Variants in CDH10 observed in about 807,000 individuals in gnomAD.
CDH10 encodes cadherin 10.
Under a neutral mutation model 73.1 loss-of-function variants are expected in CDH10, and 30 were observed. The observed-to-expected ratio is 0.41, with a 90% CI of 0.31 to 0.56. CDH10 has a LOEUF of 0.56. Among genes scored for constraint, CDH10 ranks in the 20% least tolerant of loss-of-function variants. The pLI is 0.27. For missense variants in CDH10, 815 were observed against 973.7 expected (o/e 0.84, Z 2.17); for synonymous variants, 345 against 348.2 (o/e 0.99, Z 0.10).
rs2111725669 is a variant in CDH10, at chr5:24,505,140, A to G, written c.1365T>C (p.His455=). 4.3e-6 allele frequency: 7 copies of G among 1,611,834 alleles called. No homozygotes were observed. Among genetic ancestry groups the G allele is most frequent in the Non-Finnish European group, 5.9e-6 (7 of 1,178,088 alleles). The change falls in exon 8 of 12, where the codon CAT becomes CAC. Residue 455 remains histidine, a synonymous_variant. Transcript: ENST00000264463. ...KPLDRELSQW[H]NLTVIAAEIN... is the part of the protein sequence containing the mutation. ...TTTCAGCAGCAATAACAGTAAGATT[A>G]TGCCACTGAGATAGTTCACGGTCAA...
At chr5:24,576,273 A>G (rs1005231444) in intron 2 of CDH10, among the ~76,000 whole-genome samples, 1 of 152,046 alleles carries the variant, frequency 6.6e-6, no homozygotes. Flanking sequence ...GTTGTTCCTG[A>G]TGTGTATTAC....
At chr5:24,517,033 A>T (rs1158920412) in intron 5 of CDH10, among the ~76,000 whole-genome samples, 1 of 152,122 alleles carries the variant, frequency 6.6e-6, no homozygotes, top group Non-Finnish European at 1.5e-5. Flanking sequence ...TAACATGTTA[A>T]TTGACTTTCA....
intron 1 of CDH10, among the ~76,000 whole-genome samples, chr5:24,615,346 C>T (rs1044437944): frequency 3.3e-5 from 5 of 152,114 alleles, no homozygotes; most frequent in African/African-American, 4.8e-5. Context: ...AAAAACTGAC[C>T]TTCAAAGACA....
chr5:24,608,787 G>A (rs1309409321), intron 1 of CDH10, among the ~76,000 whole-genome samples: 2 of 152,180 alleles, frequency 1.3e-5, no homozygotes, highest in South Asian at 4.1e-4. Context: ...AATGGCACAA[G>A]AGCACTGGTT....
At position 24,487,895 on chromosome 5, in the gene CDH10, T is replaced by C. The variant is rs1741899825; in HGVS notation, c.2135A>G (p.Asp712Gly). 1 of 1,613,762 alleles carries C rather than the reference T, an allele frequency of 6.2e-7. No individual in the cohort carries two copies. Among genetic ancestry groups the C allele is most frequent in the Admixed American group, 1.7e-5 (1 of 59,976 alleles). The stretch of plus-strand genomic sequence containing the variant: ...CTCTTTTAGCCTTTCATTAATGAAA[T>C]CCCGGACGTCCGTGTTATCTGGAGC... ...PTAPDNTDVR[D>G]FINERLKEHD... The change falls in exon 12 of 12, where the codon GAT becomes GGT. Residue 712 changes from aspartate (D) to glycine (G), a missense_variant. Around this residue, in one of 3 missense-constraint regions of CDH10, gnomAD observed 241 missense variants for 240.3 expected, o/e 1.00. Coordinates refer to ENST00000264463, the MANE Select transcript of CDH10 (RefSeq NM_006727.5).
intron 5 of CDH10, among the ~76,000 whole-genome samples, chr5:24,529,362 T>C (rs920908640): frequency 1.3e-5 from 2 of 151,958 alleles, no homozygotes; most frequent in Non-Finnish European, 2.9e-5. Flanking sequence ...ATATAATGAA[T>C]TGATGTTGAA....
intron 2 of CDH10, among the ~76,000 whole-genome samples, chr5:24,561,938 A>T (rs1744971683): frequency 6.6e-6 from 1 of 152,148 alleles, no homozygotes; most frequent in African/African-American, 2.4e-5. Flanking sequence ...TAAAAACAAA[A>T]ACAAACAAAA....
In CDH10 at chr5:24,516,788, A is replaced by C. The variant is rs942373459; in HGVS notation, c.815-5274T>G. On this transcript the variant is annotated intron_variant, in intron 5 of 11. Coordinates refer to ENST00000264463, the MANE Select transcript of CDH10 (RefSeq NM_006727.5). ...TCACAGAATGTTCCAAGTTCATCTT[A>C]TATTTTTTGCGCCTAAGCCCTCAAA... is the stretch of plus-strand genomic sequence containing the variant. Among the ~76,000 whole-genome samples, 3 of 151,864 alleles carry C rather than the reference A, an allele frequency of 2.0e-5. No homozygotes were observed. In the East Asian group the frequency reaches 5.9e-4, roughly 30 times the overall value.
chr5:24,634,825 C>T (rs1266701573), intron 1 of CDH10, among the ~76,000 whole-genome samples: 1 of 151,244 alleles, frequency 6.6e-6, no homozygotes, highest in East Asian at 1.9e-4. Flanking sequence ...ATAAATAAAA[C>T]TGAAAGAAAA....
At chr5:24,618,674 A>C (rs938028543) in intron 1 of CDH10, among the ~76,000 whole-genome samples, 2 of 152,216 alleles carry the variant, frequency 1.3e-5, no homozygotes, top group Non-Finnish European at 2.9e-5. Flanking sequence ...AATCATAAAG[A>C]GGAAAAAGTT....
intron 1 of CDH10, among the ~76,000 whole-genome samples, chr5:24,620,312 T>C (rs1330207668): frequency 5.3e-5 from 8 of 152,194 alleles, no homozygotes; most frequent in Admixed American, 3.3e-4. Context: ...TAAAAGAAGA[T>C]TGCACATCTT....
At chr5:24,621,785 A>G (rs189913834) in intron 1 of CDH10, among the ~76,000 whole-genome samples, 1 of 152,336 alleles carries the variant, frequency 6.6e-6, no homozygotes, top group East Asian at 1.9e-4. Flanking sequence ...ATGCACACAT[A>G]TAATTCATTT....
intron 1 of CDH10, among the ~76,000 whole-genome samples, chr5:24,620,622 TG>T (rs1283423572): frequency 6.6e-6 from 1 of 152,220 alleles, no homozygotes; most frequent in African/African-American, 2.4e-5. Flanking sequence ...TACATATACT[TG>T]TTAAAGTTGT....
intron 2 of CDH10, among the ~76,000 whole-genome samples, chr5:24,559,152 GTAT>G (rs1744869855): frequency 6.6e-6 from 1 of 151,674 alleles, no homozygotes; most frequent in African/African-American, 2.4e-5. Context: ...CAGGAAATAG[GTAT>G]TATAGGAATT....
chr5:24,503,324 G>C (rs1262132310), intron 8 of CDH10, among the ~76,000 whole-genome samples: 2 of 152,074 alleles, frequency 1.3e-5, no homozygotes, highest in African/African-American at 4.8e-5. Context: ...TTTTAAAACA[G>C]GTCAAGAGTT....
rs529953246 is a variant in CDH10, at chr5:24,507,984, C to T, written c.1256+1582G>A. Among the ~76,000 whole-genome samples, 13 of 152,214 alleles carry T rather than the reference C, an allele frequency of 8.5e-5. No individual in the cohort carries two copies. In the South Asian group the frequency reaches 2.5e-3, roughly 29 times the overall value. On this transcript the variant is annotated intron_variant, in intron 7 of 11. Coordinates refer to ENST00000264463, the MANE Select transcript of CDH10 (RefSeq NM_006727.5). Reference sequence around the variant, plus strand: ...AATACATGATTTCACTTGAAGATATCGCAGACCCTATAGAATTTTTAACTG... The same window carrying T: ...AATACATGATTTCACTTGAAGATATTGCAGACCCTATAGAATTTTTAACTG...
At chr5:24,555,621 A>C (rs1744737874) in intron 2 of CDH10, among the ~76,000 whole-genome samples, 1 of 152,158 alleles carries the variant, frequency 6.6e-6, no homozygotes, top group African/African-American at 2.4e-5. Context: ...GGAAACCGTC[A>C]AGAGAACCTG....
intron 9 of CDH10, among the ~76,000 whole-genome samples, chr5:24,496,395 G>T (rs1742289503): frequency 6.6e-6 from 1 of 152,072 alleles, no homozygotes; most frequent in Non-Finnish European, 1.5e-5. Flanking sequence ...TTTTGCTGAG[G>T]TCCTCTGACT....
intron 2 of CDH10, among the ~76,000 whole-genome samples, chr5:24,555,458 T>G (rs1210847749): frequency 2.6e-5 from 4 of 152,090 alleles, no homozygotes; most frequent in Admixed American, 2.6e-4. Flanking sequence ...CTCAAACAGA[T>G]GTAGACATTA....
Sources: gnomAD v4.1 joint callset for allele counts (sites outside exome capture counted in the v4.1 genomes callset) on GRCh38, gnomAD v4.1.1 for gene constraint, gnomAD v4.1.1 regional missense constraint, MANE v1.5 for transcripts, NCBI Gene and HGNC (gene_info 2026-07-23, HGNC 2026-07-21) for gene names.